The following RASSF3 variants were observed in gnomAD, a reference collection of about 807,000 sequenced individuals.
RASSF3 encodes the protein Ras association domain family member 3.
In RASSF3, 19 loss-of-function variants were observed where a neutral mutation model predicts 19.9. The observed-to-expected ratio is 0.96, with a 90% CI of 0.67 to 1.40. The LOEUF (loss-of-function observed/expected upper bound fraction) is 1.40. Among genes scored for constraint, RASSF3 ranks in the 40% most tolerant of loss-of-function variants. RASSF3 has a pLI of 0.00. For synonymous variants in RASSF3, 110 were observed against 104.2 expected (o/e 1.06, Z -0.34); for missense variants, 306 against 289.8 (o/e 1.06, Z -0.41).
intron 1 of RASSF3, among the ~76,000 whole-genome samples, chr12:64,661,483 T>TA (rs984162389): frequency 2.6e-5 from 4 of 151,214 alleles, no homozygotes; most frequent in African/African-American, 9.7e-5. Flanking sequence ...ACCCTGTCTC[T>TA]AAAAAAAAGG....
chr12:64,605,714 AC>A (rs1870179048), upstream of RASSF3, among the ~76,000 whole-genome samples: 1 of 151,912 alleles, frequency 6.6e-6, no homozygotes, highest in South Asian at 2.1e-4. Flanking sequence ...AGATGGAGAA[AC>A]CCCATCTCTA....
chr12:64,604,161 C>T (rs1371070204), intron 2 of RASSF3, among the ~76,000 whole-genome samples: 7 of 150,692 alleles, frequency 4.6e-5, no homozygotes, highest in Admixed American at 3.3e-4. Flanking sequence ...GGTTTGACTC[C>T]GTTGCCCAGG....
At chr12:64,550,370 A>C (rs1304574480) in intron 2 of RASSF3, among the ~76,000 whole-genome samples, 1 of 152,098 alleles carries the variant, frequency 6.6e-6, no homozygotes, top group Non-Finnish European at 1.5e-5. Context: ...GAGAAAGAAA[A>C]GAAAAGAGAA....
intron 1 of RASSF3, among the ~76,000 whole-genome samples, chr12:64,684,174 C>T (rs1396787567): frequency 6.7e-6 from 1 of 150,360 alleles, no homozygotes; most frequent in Non-Finnish European, 1.5e-5. Context: ...ACAGCCTCGA[C>T]CTCTGGGCTG....
At chr12:64,558,141 G>T (rs1039514846) in intron 2 of RASSF3, among the ~76,000 whole-genome samples, 4 of 152,184 alleles carry the variant, frequency 2.6e-5, no homozygotes. Context: ...AGGGCCTGTT[G>T]TCTGTTTTGC....
chr12:64,676,787 T>C (rs959059964), intron 1 of RASSF3, among the ~76,000 whole-genome samples: 1 of 150,724 alleles, frequency 6.6e-6, no homozygotes, highest in South Asian at 2.1e-4. Context: ...TTTTTTTTTT[T>C]AGACAGTGTC....
intron 2 of RASSF3, among the ~76,000 whole-genome samples, chr12:64,586,096 G>A (rs1357292120): frequency 6.6e-6 from 1 of 151,792 alleles, no homozygotes; most frequent in Non-Finnish European, 1.5e-5. Flanking sequence ...AGGGGGAGGT[G>A]GGTGGATCAC....
intron 2 of RASSF3, among the ~76,000 whole-genome samples, chr12:64,597,952 C>G (rs933270738): frequency 1.3e-5 from 2 of 152,158 alleles, no homozygotes; most frequent in African/African-American, 2.4e-5. Flanking sequence ...GAGTCTCACT[C>G]TGTCACCCAG....
downstream of RASSF3, among the ~76,000 whole-genome samples, chr12:64,542,485 T>C (rs1365516620): frequency 1.3e-5 from 2 of 152,224 alleles, no homozygotes; most frequent in Admixed American, 1.3e-4. Context: ...TTCTCCTGGT[T>C]TGCTGAGAGA....
rs184991082 is a variant in RASSF3 at position 64,634,732 on chromosome 12, G to A, written c.111+23989G>A. Among the ~76,000 whole-genome samples the A allele has an allele frequency of 1.1e-4, 14 of 128,880 alleles. No homozygotes were observed. In the Admixed American group the frequency reaches 1.3e-3, roughly 12 times the overall value. The allele number at this position is 128,880 out of a possible 152,430, so 84.6% of individuals were successfully genotyped here. The stretch of plus-strand genomic sequence containing the variant: ...GCCGAGATGGCACCATTGCACTCCA[G>A]CCTGCACGACACAGCGAGACACCAT... On this transcript the variant is annotated intron_variant, in intron 1 of 4. Transcript: ENST00000542104.
At chr12:64,597,368 T>C (rs1489294301) in intron 2 of RASSF3, among the ~76,000 whole-genome samples, 2 of 152,056 alleles carry the variant, frequency 1.3e-5, no homozygotes, top group East Asian at 3.9e-4. Context: ...CCTGACCTCG[T>C]GATCCACCTG....
In RASSF3 at chr12:64,508,323, T is replaced by C. The variant is rs1174415015; in HGVS notation, c.169+994T>C. Among the ~76,000 whole-genome samples, 8 of 151,910 alleles carry C rather than the reference T, an allele frequency of 5.3e-5. No individual in the cohort carries two copies. The South Asian group carries it at 6.2e-4, about 12-fold the overall frequency. On this transcript the variant is annotated intron_variant, in intron 1 of 5. Transcript: ENST00000637125. ...TGAGGTGAGGAGTTCGAGACCAGCC[T>C]GGCCAACATGGTGAAAACCTGTCTG...
intron 2 of RASSF3, among the ~76,000 whole-genome samples, chr12:64,552,385 A>G (rs1408081148): frequency 1.3e-5 from 2 of 151,988 alleles, no homozygotes; most frequent in Admixed American, 6.6e-5. Context: ...TTTTATTTTT[A>G]GTTCTGGGGT....
rs949743597 is a variant in RASSF3 at position 64,695,127 on chromosome 12, GT to G, written c.*217del. 2.1e-6 allele frequency: 1 copy of G among 486,584 alleles called. No individual in the cohort carries two copies. Among genetic ancestry groups the G allele is most frequent in the African/African-American group, 1.9e-5 (1 of 52,464 alleles). The allele number at this position is 486,584 out of a possible 1,614,324, so 30.1% of individuals were successfully genotyped here. A position where few individuals can be genotyped will look rare whatever the true frequency, so the allele number is the denominator to read the frequency against. On this transcript the variant is annotated 3_prime_UTR_variant, in exon 5 of 5. Transcript: ENST00000542104. ...CAAGCTTGTTGTTCAGCACCGCAGT[GT>G]TACCTCTTGGCAAGCTGTGAACCTG...
At chr12:64,589,148 A>G (rs1237788977) in intron 2 of RASSF3, among the ~76,000 whole-genome samples, 1 of 152,228 alleles carries the variant, frequency 6.6e-6, no homozygotes, top group Non-Finnish European at 1.5e-5. Context: ...TCTCTTTTTC[A>G]CATTAAAAAT....
chr12:64,543,517 G>A (rs1273373399), downstream of RASSF3, among the ~76,000 whole-genome samples: 2 of 58,636 alleles, frequency 3.4e-5, no homozygotes, highest in Non-Finnish European at 7.5e-5. Flanking sequence ...TCCCCCCGCC[G>A]CCCCCCGCTC....
chr12:64,588,571 ATATC>A (rs2136139252), intron 2 of RASSF3, among the ~76,000 whole-genome samples: 1 of 151,950 alleles, frequency 6.6e-6, no homozygotes, highest in South Asian at 2.1e-4. Flanking sequence ...TAAATAAAAT[ATATC>A]TATTATTAAA....
rs1269584399 is a variant in RASSF3 at position 64,696,098 on chromosome 12, C to CCTCTCTCCCTCCCTCACTCA, written c.*1189_*1190insTCTCCCTCCCTCACTCACTC. The stretch of plus-strand genomic sequence containing the variant: ...ACCTTGTTCTTTTCCTCCCTCCCTC[C>CCTCTCTCCCTCCCTCACTCA]CTCCCTCCCTCCCTCCCTCCCTCCT... On this transcript the variant is annotated 3_prime_UTR_variant, in exon 5 of 5. Coordinates refer to ENST00000542104, the MANE Select transcript of RASSF3 (RefSeq NM_178169.4). The CCTCTCTCCCTCCCTCACTCA allele has an allele frequency of 1.7e-5, 2 of 117,984 alleles. No homozygotes were observed. The highest frequency in any genetic ancestry group is 8.4e-5 in the Admixed American group (1 of 11,894). The allele number at this position is 117,984 out of a possible 1,614,324, so 7.3% of individuals were successfully genotyped here. A position where few individuals can be genotyped will look rare whatever the true frequency, so the allele number is the denominator to read the frequency against.
intron 1 of RASSF3, among the ~76,000 whole-genome samples, chr12:64,668,249 C>T (rs1268341467): frequency 4.0e-5 from 5 of 123,948 alleles, no homozygotes; most frequent in African/African-American, 1.4e-4. Context: ...CAAACCTTAC[C>T]AATCCTTTTC....
Sources: allele counts gnomAD v4.1 joint callset (sites outside exome capture counted in the v4.1 genomes callset), GRCh38; gene constraint gnomAD v4.1.1; transcripts MANE v1.5; gene names NCBI Gene and HGNC (gene_info 2026-07-23, HGNC 2026-07-21).